Variants in COL22A1 observed in about 807,000 individuals in gnomAD.
COL22A1 encodes collagen type XXII alpha 1 chain.
Under a neutral mutation model 248.9 loss-of-function variants are expected in COL22A1, and 221 were observed. The observed-to-expected ratio is 0.89, with a 90% confidence interval of 0.80 to 0.99. The LOEUF is 0.99. Among genes scored for constraint, COL22A1 ranks in the 50% least tolerant of loss-of-function variants. COL22A1 has a pLI of 0.00. For missense variants in COL22A1, 2,240 were observed against 2,179.0 expected, an observed-to-expected ratio of 1.03 and a Z score of -0.56; for synonymous variants, 891 against 793.4, an observed-to-expected ratio of 1.12 and a Z score of -2.07.
At chr8:138,745,132 C>T (rs949693579) in intron 22 of COL22A1, among the ~76,000 whole-genome samples, 1 of 152,112 alleles carries the variant, frequency 6.6e-6, no homozygotes, top group Non-Finnish European at 1.5e-5. Flanking sequence ...ATAGACATTC[C>T]AAATTTTACA....
At chr8:138,610,053 G>A (rs1818738202) in intron 56 of COL22A1, among the ~76,000 whole-genome samples, 1 of 152,232 alleles carries the variant, frequency 6.6e-6, no homozygotes, top group African/African-American at 2.4e-5. Flanking sequence ...AGCCAGTCTG[G>A]GTGTTTGAGC....
chr8:138,641,724 G>A (rs1164763370), intron 47 of COL22A1, among the ~76,000 whole-genome samples: 1 of 152,156 alleles, frequency 6.6e-6, no homozygotes, highest in Non-Finnish European at 1.5e-5. Context: ...CATTGCAACT[G>A]CAAACAAAGG....
intron 16 of COL22A1, among the ~76,000 whole-genome samples, chr8:138,774,798 A>G (rs900465415): frequency 2.6e-5 from 4 of 152,226 alleles, no homozygotes; most frequent in African/African-American, 9.6e-5. Flanking sequence ...ATTATGGTTT[A>G]TTCACTCAGT....
At chr8:138,846,778 A>C (rs1821277966) in intron 3 of COL22A1, among the ~76,000 whole-genome samples, 1 of 152,158 alleles carries the variant, frequency 6.6e-6, no homozygotes, top group Admixed American at 6.5e-5. Context: ...TCACTCATCT[A>C]TTCAAACTCA....
intron 7 of COL22A1, among the ~76,000 whole-genome samples, chr8:138,815,346 C>A (rs1421463128): frequency 2.6e-5 from 4 of 152,198 alleles, no homozygotes; most frequent in Non-Finnish European, 4.4e-5. Flanking sequence ...GGACCGAATC[C>A]CAGGCAGTGC....
intron 4 of COL22A1, among the ~76,000 whole-genome samples, chr8:138,842,868 T>G (rs1421216608): frequency 1.3e-5 from 2 of 152,164 alleles, no homozygotes; most frequent in African/African-American, 2.4e-5. Flanking sequence ...AATATCACTT[T>G]GTTTGGTTTC....
At chr8:138,707,250 C>G (rs952785775) in intron 30 of COL22A1, among the ~76,000 whole-genome samples, 1 of 152,096 alleles carries the variant, frequency 6.6e-6, no homozygotes, top group Non-Finnish European at 1.5e-5. Flanking sequence ...CTATTCCAAT[C>G]AATAGAAAAA....
rs376061474 is a variant in COL22A1 at position 138,755,118 on chromosome 8, C to T, written c.2031+39G>A. ...CTTCCAAACCCATTGGTAAGAGAAG[C>T]GTGCAGAGCAAACCCTGCGCAGGAG... is the stretch of plus-strand genomic sequence containing the variant. On this transcript the variant is annotated intron_variant, in intron 21 of 64. Transcript: ENST00000303045. 1.0e-4 allele frequency: 160 copies of T among 1,596,136 alleles called. 1 individual carries two copies. In the Middle Eastern group the frequency reaches 1.2e-3, roughly 12 times the overall value.
intron 3 of COL22A1, among the ~76,000 whole-genome samples, chr8:138,860,983 C>T (rs1177896626): frequency 6.6e-6 from 1 of 152,170 alleles, no homozygotes; most frequent in African/African-American, 2.4e-5. Context: ...TCCACTGCCT[C>T]CCCTTTGGCT....
intron 49 of COL22A1, among the ~76,000 whole-genome samples, chr8:138,631,802 C>T (rs1236691978): frequency 1.3e-5 from 2 of 152,158 alleles, no homozygotes; most frequent in East Asian, 1.9e-4. Flanking sequence ...CTTCCTCATC[C>T]CTGCCCTGGG....
chr8:138,613,770 A>C, intron 56 of COL22A1, 97 bp downstream of exon 56: 1 of 1,133,958 alleles, frequency 8.8e-7, no homozygotes, highest in Non-Finnish European at 1.3e-6. Flanking sequence ...ATTTTTTAAC[A>C]ATATATACAG....
intron 23 of COL22A1, among the ~76,000 whole-genome samples, chr8:138,731,292 A>G (rs1830686783): frequency 6.6e-6 from 1 of 151,826 alleles, no homozygotes; most frequent in Admixed American, 6.6e-5. Flanking sequence ...CAAGAGCAAA[A>G]CTCCGTCTCA....
chr8:138,790,009 A>C (rs957555770), intron 12 of COL22A1, among the ~76,000 whole-genome samples: 24 of 152,242 alleles, frequency 1.6e-4, no homozygotes, highest in African/African-American at 5.3e-4. Flanking sequence ...TTCAGGGAGA[A>C]CTTAAAAAAA....
At chr8:138,594,510 C>T (rs1280365021) in intron 62 of COL22A1, among the ~76,000 whole-genome samples, 1 of 152,168 alleles carries the variant, frequency 6.6e-6, no homozygotes, top group Non-Finnish European at 1.5e-5. Flanking sequence ...GGCTGGGATC[C>T]CAGGACAGCC....
intron 11 of COL22A1, among the ~76,000 whole-genome samples, chr8:138,802,357 T>C (rs1324078498): frequency 6.6e-6 from 1 of 152,012 alleles, no homozygotes; most frequent in Non-Finnish European, 1.5e-5. Context: ...AAATCACAGA[T>C]CAGGACACCT....
intron 3 of COL22A1, among the ~76,000 whole-genome samples, chr8:138,870,492 C>T (rs551926886): frequency 2.7e-5 from 4 of 148,680 alleles, no homozygotes; most frequent in East Asian, 2.0e-4. Flanking sequence ...AGTGTGTGCA[C>T]GTGGGGAGTG....
At chr8:138,904,705 A>C (rs1458587460) in intron 1 of COL22A1, among the ~76,000 whole-genome samples, 3 of 152,108 alleles carry the variant, frequency 2.0e-5, no homozygotes, top group African/African-American at 4.8e-5. Context: ...AGGACACAGA[A>C]AGATATTTCT....
At chr8:138,658,779 A>T (rs530815758) in intron 44 of COL22A1, among the ~76,000 whole-genome samples, 1 of 152,260 alleles carries the variant, frequency 6.6e-6, no homozygotes, top group East Asian at 1.9e-4. Flanking sequence ...ACCATGCCTT[A>T]TCTGATTAGT....
intron 44 of COL22A1, 114 bp from the exon 45 acceptor site, chr8:138,656,058 G>C (rs998070231): frequency 1.2e-6 from 1 of 815,272 alleles, no homozygotes; most frequent in Non-Finnish European, 2.1e-6. Context: ...GACACACTGC[G>C]CCGTGCGTGG....
Sources: gnomAD v4.1 joint callset for allele counts (sites outside exome capture counted in the v4.1 genomes callset) on GRCh38, gnomAD v4.1.1 for gene constraint, MANE v1.5 for transcripts, NCBI Gene and HGNC (gene_info 2026-07-23, HGNC 2026-07-21) for gene names.